Variants in CEP44 observed in about 807,000 individuals in gnomAD.
The protein encoded by CEP44 is centrosomal protein of 44 kDa.
CEP44 carries 45 observed loss-of-function variants against 46.7 expected under a neutral mutation model. The observed-to-expected ratio is 0.96, with a 90% CI of 0.76 to 1.24. CEP44 has a LOEUF of 1.24. Ranked by LOEUF, CEP44 falls within the 50% of genes most tolerant of loss-of-function variation. CEP44 has a pLI of 0.00. For synonymous variants in CEP44, 142 were observed against 146.0 expected (o/e 0.97, Z 0.20); for missense variants, 475 against 459.7 (o/e 1.03, Z -0.30).
chr4:174,324,506 T>C (rs1459681734), downstream of CEP44, among the ~76,000 whole-genome samples: 2 of 152,158 alleles, frequency 1.3e-5, no homozygotes, highest in Non-Finnish European at 2.9e-5. Context: ...CTTTTCCCAC[T>C]AGCAATGTAT....
At chr4:174,315,891 T>C (rs1036247514) in intron 9 of CEP44, among the ~76,000 whole-genome samples, 3 of 151,738 alleles carry the variant, frequency 2.0e-5, no homozygotes, top group Admixed American at 6.6e-5. Context: ...TTCAATAGGT[T>C]ATATTTTAAA....
In CEP44 at chr4:174,287,670, A is replaced by T. The variant is rs923365852; in HGVS notation, c.-148+3727A>T. On this transcript the variant is annotated intron_variant, in intron 1 of 11. Coordinates refer to ENST00000503780, the MANE Select transcript of CEP44 (RefSeq NM_001040157.3). The surrounding 1 kb of genome is among the most constrained non-coding windows in gnomAD (Gnocchi z 5.1). Reference sequence around the variant, plus strand: ...GTTTTGATTTTCCCTTCTGGTTATGATTTACATGTATTAACTTATTAATAC... The same window carrying T: ...GTTTTGATTTTCCCTTCTGGTTATGTTTTACATGTATTAACTTATTAATAC... Among the ~76,000 whole-genome samples the T allele has an allele frequency of 6.6e-6, 1 of 152,176 alleles. No homozygotes were observed. Among genetic ancestry groups the T allele is most frequent in the Non-Finnish European group, 1.5e-5 (1 of 68,024 alleles).
intron 9 of CEP44, 24 bp from the exon 10 acceptor site, chr4:174,316,142 A>T: frequency 6.2e-7 from 1 of 1,607,338 alleles, no homozygotes; most frequent in South Asian, 1.1e-5. Context: ...GGAAAAGGTA[A>T]TCTAAAACTT....
intron 6 of CEP44, 92 bp from the exon 7 acceptor site, chr4:174,308,597 C>T: frequency 1.6e-6 from 2 of 1,238,014 alleles, no homozygotes; most frequent in Non-Finnish European, 2.2e-6. Flanking sequence ...TGTAACAAAC[C>T]TGCACATGGA....
At chr4:174,299,285 C>A in intron 3 of CEP44, 75 bp downstream of exon 3, 2 of 1,203,230 alleles carry the variant, frequency 1.7e-6, no homozygotes, top group Non-Finnish European at 2.3e-6. Flanking sequence ...GGGGGACTAC[C>A]TGAGAAAAAT....
intron 6 of CEP44, among the ~76,000 whole-genome samples, chr4:174,305,382 A>G (rs1394256069): frequency 1.5e-4 from 23 of 152,190 alleles, no homozygotes; most frequent in Admixed American, 1.5e-3. Flanking sequence ...TGAACCCTGG[A>G]GGCAGAGGTT....
Position 174,319,000 on chromosome 4 carries a change from G to T in CEP44, c.*1617G>T. 2 of 316,398 alleles carry T rather than the reference G, an allele frequency of 6.3e-6. No homozygotes were observed. Among genetic ancestry groups the T allele is most frequent in the Non-Finnish European group, 9.1e-6 (2 of 218,888 alleles). The allele number at this position is 316,398 out of a possible 1,614,324, so 19.6% of individuals were successfully genotyped here. ...AATTTTTGTATTTTTGTAGAGACAGGGTTTCACCATGTTGCCCAGTCTGTT... is the reference window on the plus strand; with the variant it reads ...AATTTTTGTATTTTTGTAGAGACAGTGTTTCACCATGTTGCCCAGTCTGTT... On this transcript the variant is annotated 3_prime_UTR_variant, in exon 12 of 12. Coordinates refer to ENST00000503780, the MANE Select transcript of CEP44 (RefSeq NM_001040157.3).
chr4:174,317,379 T>C lies in CEP44; in HGVS notation c.1169T>C (p.Leu390Ser), dbSNP rs1579157799. 1 of 1,420,980 alleles carries C rather than the reference T, an allele frequency of 7.0e-7. No individual in the cohort carries two copies. Among genetic ancestry groups the C allele is most frequent in the African/African-American group, 1.4e-5 (1 of 70,070 alleles). The allele number at this position is 1,420,980 out of a possible 1,614,324, so 88.0% of individuals were successfully genotyped here. A position where few individuals can be genotyped will look rare whatever the true frequency, so the allele number is the denominator to read the frequency against. ...TTACTGAAATGTCCAAATCACTACTTGTAGGATTTTCTACATGAACTTTTT... is the reference window on the plus strand; with the variant it reads ...TTACTGAAATGTCCAAATCACTACTCGTAGGATTTTCTACATGAACTTTTT... The part of the protein sequence containing the change: ...AELLKCPNHY[L>S] The change falls in exon 12 of 12, where the codon TTG (leucine) becomes TCG (serine). Residue 390 changes from leucine to serine, a missense_variant. Transcript: ENST00000503780.
At chr4:174,320,941 A>G (rs11940417), downstream of CEP44, among the ~76,000 whole-genome samples, 6,623 of 152,198 alleles carry the variant, frequency 0.044, 207 homozygotes, top group Non-Finnish European at 0.065. Context: ...TTATGATGAC[A>G]GTGGAGATGG....
At chr4:174,284,033 G>C in intron 1 of CEP44, 90 bp downstream of exon 1, 1 of 399,458 alleles carries the variant, frequency 2.5e-6, no homozygotes. Flanking sequence ...GTAGCGACTG[G>C]TTGCGGGAGG....
intron 1 of CEP44, among the ~76,000 whole-genome samples, chr4:174,294,432 C>T (rs1474407541): frequency 3.3e-5 from 5 of 151,588 alleles, no homozygotes; most frequent in Admixed American, 1.3e-4. Flanking sequence ...AAAAGTCTCC[C>T]GTGTCTACCT....
chr4:174,319,686 T>G lies in CEP44; in HGVS notation c.*2303T>G. ...ATCAGGTGGAAATTTAGAATCCAAA[T>G]TTTCTTAAACTTTAATAACTTGTCT... On this transcript the variant is annotated 3_prime_UTR_variant, in exon 12 of 12. Coordinates refer to ENST00000503780, the MANE Select transcript of CEP44 (RefSeq NM_001040157.3). 1.2e-6 allele frequency: 1 copy of G among 804,010 alleles called. No individual in the cohort carries two copies. The highest frequency in any genetic ancestry group is 1.5e-6 in the Non-Finnish European group (1 of 663,852). The allele number at this position is 804,010 out of a possible 1,614,324, so 49.8% of individuals were successfully genotyped here.
At chr4:174,322,469 AGTTTAGATTCCCT>A (rs1211513246), downstream of CEP44, among the ~76,000 whole-genome samples, 2 of 152,138 alleles carry the variant, frequency 1.3e-5, no homozygotes, top group African/African-American at 4.8e-5. Context: ...TCCCTAGAAT[AGTTTAGATTCCCT>A]GTTTATGCTA....
Position 174,309,613 on chromosome 4 carries a change from G to C in CEP44, c.679-237G>C, listed in dbSNP as rs1211949105. On this transcript the variant is annotated intron_variant, in intron 7 of 11. Transcript: ENST00000503780. This position sits in a 1 kb window ranked among gnomAD's most constrained non-coding sequence, Gnocchi z 5.3. ...TAACTCATTATCAGAAGAATCATAT[G>C]AAATAGATACTGCTCTTATCTCTTT... Among the ~76,000 whole-genome samples, 3 of 151,710 alleles carry C rather than the reference G, an allele frequency of 2.0e-5. No homozygotes were observed. The highest frequency in any genetic ancestry group is 7.3e-5 in the African/African-American group (3 of 41,326).
rs1286041524 is a variant in CEP44, at chr4:174,308,610, C to G, written c.508-79C>G. The G allele has an allele frequency of 3.6e-6, 5 of 1,396,530 alleles. No individual in the cohort carries two copies. In the East Asian group the frequency reaches 1.2e-4, roughly 32 times the overall value. 86.5% of individuals were successfully genotyped at this position (1,396,530 alleles called of 1,614,324 possible). ...TGTGTAACAAACCTGCACATGGACC[C>G]CTGAACTTAAAAGTTAAAAAATAAA... On this transcript the variant is annotated intron_variant, in intron 6 of 11. Transcript: ENST00000503780.
In CEP44 at chr4:174,331,494, T is replaced by C; in HGVS notation, c.1099T>C (p.Trp367Arg). ...GTTTCCTTTCTAGAATTTTCCTGCATGGAGTGCTACATCCTCTTGTTCCAG... is the reference window on the plus strand; with the variant it reads ...GTTTCCTTTCTAGAATTTTCCTGCACGGAGTGCTACATCCTCTTGTTCCAG... Residue 367 changes from tryptophan to arginine, a missense_variant, in exon 9 of 9, where the codon TGG becomes CGG. By Grantham distance (101) the Trp-to-Arg change is moderately radical. Transcript: ENST00000426172. This position sits in a 1 kb window ranked among gnomAD's most constrained non-coding sequence, Gnocchi z 4.5. 1 of 1,551,556 alleles carries C rather than the reference T, an allele frequency of 6.4e-7. No homozygotes were observed. Among genetic ancestry groups the C allele is most frequent in the Non-Finnish European group, 8.7e-7 (1 of 1,146,882 alleles).
chr4:174,311,129 G>T lies in CEP44; in HGVS notation c.961+271G>T, dbSNP rs1741034691. Among the ~76,000 whole-genome samples the T allele has an allele frequency of 6.6e-6, 1 of 151,940 alleles. No individual in the cohort carries two copies. Among genetic ancestry groups the T allele is most frequent in the Non-Finnish European group, 1.5e-5 (1 of 67,866 alleles). On this transcript the variant is annotated intron_variant, in intron 9 of 11. Transcript: ENST00000503780. This position sits in a 1 kb window ranked among gnomAD's most constrained non-coding sequence, Gnocchi z 4.4. ...GTTTTAATCATTCGAGAATAATCAA[G>T]TGCTCTAGGATATTAATGTTGGCCT... is the stretch of plus-strand genomic sequence containing the variant.
intron 1 of CEP44, among the ~76,000 whole-genome samples, chr4:174,295,338 C>T (rs530273606): frequency 6.0e-5 from 9 of 150,950 alleles, no homozygotes; most frequent in African/African-American, 2.2e-4. Flanking sequence ...GTGCTCCTCA[C>T]ATCCCAGACG....
In CEP44 at chr4:174,316,561, A is replaced by G. The variant is rs1310881334; in HGVS notation, c.1118A>G (p.Lys373Arg). 1.3e-5 allele frequency: 20 copies of G among 1,590,628 alleles called. No homozygotes were observed. Among genetic ancestry groups the G allele is most frequent in the Admixed American group, 1.8e-5 (1 of 56,748 alleles). The change falls in exon 11 of 12, where the codon AAA becomes AGA. Residue 373 changes from lysine to arginine, a missense_variant. Coordinates refer to ENST00000503780, the MANE Select transcript of CEP44 (RefSeq NM_001040157.3). ...ETTIQKMERM[K>R]KMFEETAELL... is the part of the protein sequence containing the mutation. Reference sequence around the variant, plus strand: ...ACAATCCAGAAAATGGAAAGGATGAAAAAAATGTAAGTAACAGAAAGGGGC... The same window carrying G: ...ACAATCCAGAAAATGGAAAGGATGAGAAAAATGTAAGTAACAGAAAGGGGC...
Sources: gnomAD v4.1 joint callset for allele counts (sites outside exome capture counted in the v4.1 genomes callset) on GRCh38, gnomAD v4.1.1 for gene constraint, Gnocchi (gnomAD v3.1) non-coding constraint, MANE v1.5 for transcripts, NCBI Gene and HGNC (gene_info 2026-07-23, HGNC 2026-07-21) for gene names.